ATP6V0E1: variants seen among roughly 807,000 people sequenced by gnomAD.
ATP6V0E1 encodes ATPase H+ transporting V0 subunit e1.
A neutral mutation model predicts 11.6 loss-of-function variants in ATP6V0E1; 4 were observed. The observed-to-expected ratio is 0.35, with a 90% confidence interval of 0.17 to 0.79. ATP6V0E1 has a LOEUF of 0.79. ATP6V0E1 is among the 30% of genes least tolerant of loss of function. ATP6V0E1 has a pLI of 0.54. For synonymous variants in ATP6V0E1, 36 were observed against 34.8 expected (o/e 1.04, Z -0.13); for missense variants, 105 against 100.0 (o/e 1.05, Z -0.21).
At chr5:172,997,656 A>C (rs1037087008) in intron 2 of ATP6V0E1, among the ~76,000 whole-genome samples, 4 of 151,682 alleles carry the variant, frequency 2.6e-5, no homozygotes, top group African/African-American at 9.7e-5. Context: ...AAAAATACAA[A>C]AAAAAATTTA....
chr5:173,030,274 A>C (rs972377117), intron 3 of ATP6V0E1, among the ~76,000 whole-genome samples: 6 of 152,166 alleles, frequency 3.9e-5, no homozygotes, highest in African/African-American at 1.4e-4. Context: ...ATAGCCTTAC[A>C]TATCATAGTA....
chr5:173,008,020 C>T (rs1756255203), intron 2 of ATP6V0E1, among the ~76,000 whole-genome samples: 2 of 152,328 alleles, frequency 1.3e-5, no homozygotes, highest in South Asian at 4.1e-4. Context: ...CACGTTCTGG[C>T]CTCGAGCCAT....
chr5:172,994,591 A>G (rs1163641036), intron 1 of ATP6V0E1, among the ~76,000 whole-genome samples, 184 bp from the exon 2 acceptor site: 1 of 152,162 alleles, frequency 6.6e-6, no homozygotes. Flanking sequence ...TAATTACATA[A>G]ACTTTTCCCA....
At chr5:173,026,002 A>AAT (rs1481772767) in intron 3 of ATP6V0E1, among the ~76,000 whole-genome samples, 3 of 144,010 alleles carry the variant, frequency 2.1e-5, no homozygotes, top group African/African-American at 7.8e-5. Flanking sequence ...AAATAATAAT[A>AAT]TTTTTTTTTT....
At chr5:173,010,807 G>A (rs1295845375) in intron 2 of ATP6V0E1, among the ~76,000 whole-genome samples, 2 of 152,182 alleles carry the variant, frequency 1.3e-5, no homozygotes, top group East Asian at 3.8e-4. Flanking sequence ...TGCTCCATCT[G>A]CGTGTCACCG....
chr5:173,010,318 T>C (rs1756300065), intron 2 of ATP6V0E1, among the ~76,000 whole-genome samples: 1 of 152,230 alleles, frequency 6.6e-6, no homozygotes, highest in Non-Finnish European at 1.5e-5. Context: ...GAATACATTT[T>C]TAGCTGTCTT....
intron 2 of ATP6V0E1, among the ~76,000 whole-genome samples, chr5:173,017,840 CA>C (rs538210275): frequency 0.04 from 2,679 of 66,556 alleles, 61 homozygotes; most frequent in African/African-American, 0.11. Context: ...GACTCCTTCT[CA>C]AAAAAAAAAA....
At chr5:173,026,544 C>A (rs1756561055) in intron 3 of ATP6V0E1, among the ~76,000 whole-genome samples, 1 of 152,128 alleles carries the variant, frequency 6.6e-6, no homozygotes, top group South Asian at 2.1e-4. Flanking sequence ...TACACACATA[C>A]ACACTGCTGT....
At position 172,988,674 on chromosome 5, in the gene ATP6V0E1, G is replaced by A. The variant is rs910490571; in HGVS notation, c.104+4710G>A. Among the ~76,000 whole-genome samples, 11 of 152,134 alleles carry A rather than the reference G, an allele frequency of 7.2e-5. No individual in the cohort carries two copies. The South Asian group carries it at 1.4e-3, about 20-fold the overall frequency. ...TTTCAGGATACGTGAAGGAGCTGAA[G>A]TGCTTCACACTATGGTGAGTTGGGG... On this transcript the variant is annotated intron_variant, in intron 1 of 3. Coordinates refer to ENST00000519374, the MANE Select transcript of ATP6V0E1 (RefSeq NM_003945.4).
At chr5:172,994,920 A>G in intron 2 of ATP6V0E1, 98 bp downstream of exon 2, 1 of 937,094 alleles carries the variant, frequency 1.1e-6, no homozygotes, top group Non-Finnish European at 1.6e-6. Flanking sequence ...TAATATCTAG[A>G]AATAGTGTCC....
At chr5:173,019,943 T>G (rs190441685) in intron 2 of ATP6V0E1, among the ~76,000 whole-genome samples, 1 of 152,332 alleles carries the variant, frequency 6.6e-6, no homozygotes, top group Admixed American at 6.5e-5. Context: ...GAAGATATCA[T>G]GAATTCAGGA....
rs912511352 is a variant in ATP6V0E1, at chr5:173,021,863, A to G, written c.*36+1496A>G. ...CGAGATCGAGACCACGGTGAAACCCATCTCTACTAAAAATACAAAAAATTA... is the reference window on the plus strand; with the variant it reads ...CGAGATCGAGACCACGGTGAAACCCGTCTCTACTAAAAATACAAAAAATTA... On this transcript the variant is annotated intron_variant, in intron 3 of 3. Transcript: ENST00000519374. 2.0e-5 allele frequency among the ~76,000 whole-genome samples: 3 copies of G among 152,186 alleles called. No homozygotes were observed. The East Asian group carries it at 5.8e-4, about 29-fold the overall frequency.
rs1233225841 is a variant in ATP6V0E1, at chr5:173,029,620, GA to G, written c.*37-4776del. 5.3e-5 allele frequency among the ~76,000 whole-genome samples: 8 copies of G among 152,266 alleles called. No homozygotes were observed. The East Asian group carries it at 1.4e-3, about 26-fold the overall frequency. ...TCCTGAAATAGATCAGCTTGCCTCA[GA>G]AACTGTCAGTAGTTCTCTGGGGCCT... is the stretch of plus-strand genomic sequence containing the variant. On this transcript the variant is annotated intron_variant, in intron 3 of 3. Coordinates refer to ENST00000519374, the MANE Select transcript of ATP6V0E1 (RefSeq NM_003945.4).
At chr5:173,000,208 G>A (rs947338111) in intron 2 of ATP6V0E1, among the ~76,000 whole-genome samples, 1 of 152,142 alleles carries the variant, frequency 6.6e-6, no homozygotes, top group African/African-American at 2.4e-5. Flanking sequence ...GGCTCAACTT[G>A]TTTGAGCTCT....
chr5:173,029,838 A>T (rs1219907092), intron 3 of ATP6V0E1, among the ~76,000 whole-genome samples: 1 of 152,176 alleles, frequency 6.6e-6, no homozygotes, highest in Non-Finnish European at 1.5e-5. Flanking sequence ...GGTCATGTCC[A>T]GCTCTGACTT....
intron 2 of ATP6V0E1, among the ~76,000 whole-genome samples, chr5:172,999,036 T>C (rs148534933): frequency 0.018 from 2,759 of 152,100 alleles, 43 homozygotes; most frequent in Non-Finnish European, 0.027. Flanking sequence ...CTAAGGAGGC[T>C]GAGGCAGGAG....
intron 2 of ATP6V0E1, among the ~76,000 whole-genome samples, chr5:172,999,143 A>G (rs1421200026): frequency 6.6e-6 from 1 of 152,166 alleles, no homozygotes; most frequent in Non-Finnish European, 1.5e-5. Flanking sequence ...GAGGGAAAAA[A>G]AAGGGGGTCG....
intron 1 of ATP6V0E1, among the ~76,000 whole-genome samples, chr5:172,990,185 C>T (rs942904425): frequency 2.0e-5 from 3 of 152,038 alleles, no homozygotes; most frequent in Admixed American, 1.3e-4. Flanking sequence ...AAATAGCCTA[C>T]GATCACTTGG....
At chr5:173,032,898 C>T (rs1014833985) in intron 3 of ATP6V0E1, among the ~76,000 whole-genome samples, 4 of 152,158 alleles carry the variant, frequency 2.6e-5, no homozygotes, top group Admixed American at 2.6e-4. Context: ...GAGTTTGAGA[C>T]CAGCCTGGGC....
Sources: gnomAD v4.1 joint callset for allele counts (sites outside exome capture counted in the v4.1 genomes callset) on GRCh38, gnomAD v4.1.1 for gene constraint, MANE v1.5 for transcripts, NCBI Gene and HGNC (gene_info 2026-07-23, HGNC 2026-07-21) for gene names.